Variants in CEP192 observed in about 807,000 individuals in gnomAD.
CEP192 encodes the protein centrosomal protein 192.
CEP192 carries 151 observed loss-of-function variants against 271.8 expected under a neutral mutation model. The ratio of observed to expected loss-of-function variants is 0.56; its 90% CI spans 0.49 to 0.64. CEP192 has a LOEUF of 0.64. Among genes scored for constraint, CEP192 ranks in the 30% least tolerant of loss-of-function variants. The pLI, the probability that CEP192 is intolerant of heterozygous loss-of-function variation, is 0.00. For missense variants in CEP192, 2,910 were observed against 3,020.5 expected (o/e 0.96, Z 0.86); for synonymous variants, 995 against 1,076.5 (o/e 0.92, Z 1.48).
chr18:13,041,389 TG>T (rs2036193735), intron 14 of CEP192, among the ~76,000 whole-genome samples: 1 of 152,162 alleles, frequency 6.6e-6, no homozygotes, highest in Non-Finnish European at 1.5e-5. Flanking sequence ...AGCTACTTTT[TG>T]TTAGTACAAT....
chr18:13,005,391 G>T (rs1402727520), intron 3 of CEP192, among the ~76,000 whole-genome samples: 1 of 152,166 alleles, frequency 6.6e-6, no homozygotes, highest in African/African-American at 2.4e-5. Context: ...CAGCAGTGAG[G>T]CATCCTGGGC....
chr18:13,046,566 T>C, intron 15 of CEP192, among the ~76,000 whole-genome samples: 1 of 151,984 alleles, frequency 6.6e-6, no homozygotes. Flanking sequence ...TATATATTTA[T>C]ATTATTTTAA....
At chr18:13,055,507 G>A (rs1232264242) in intron 18 of CEP192, among the ~76,000 whole-genome samples, 1 of 152,128 alleles carries the variant, frequency 6.6e-6, no homozygotes, top group African/African-American at 2.4e-5. Flanking sequence ...GACTCTGGTC[G>A]TTTATCTGTG....
At position 13,049,425 on chromosome 18, in the gene CEP192, T is replaced by C. The variant is rs138705773; in HGVS notation, c.2634T>C (p.Asp878=). The C allele has an allele frequency of 6.8e-6, 11 of 1,614,028 alleles. No homozygotes were observed. In the African/African-American group the frequency reaches 1.2e-4, roughly 18 times the overall value. Residue 878 remains aspartate, a synonymous_variant, in exon 16 of 45, where the codon GAT becomes GAC. Transcript: ENST00000506447. Reference sequence around the variant, plus strand: ...GAGAGAATAACAGTGCAGTAGTTGATGTGAAGACATGTTCCATTGACAACA... The same window carrying C: ...GAGAGAATAACAGTGCAGTAGTTGACGTGAAGACATGTTCCATTGACAACA... ...TNRENNSAVV[D]VKTCSIDNKL... is the part of the protein sequence containing the mutation.
chr18:13,035,540 C>T (rs1040081537), intron 11 of CEP192, among the ~76,000 whole-genome samples: 3 of 152,134 alleles, frequency 2.0e-5, no homozygotes, highest in Non-Finnish European at 4.4e-5. Flanking sequence ...AGTTATCTCC[C>T]CCTGGGTCCC....
chr18:13,053,533 C>G (rs1290334136), intron 18 of CEP192, among the ~76,000 whole-genome samples: 2 of 152,128 alleles, frequency 1.3e-5, no homozygotes, highest in Non-Finnish European at 2.9e-5. Context: ...CATCTGGGCA[C>G]TCCAGGAAGT....
In CEP192 at chr18:13,096,152, G is replaced by T. The variant is rs759175867; in HGVS notation, c.6434-32G>T. 5.0e-6 allele frequency: 8 copies of T among 1,608,380 alleles called. No homozygotes were observed. In the South Asian group the frequency reaches 7.7e-5, roughly 16 times the overall value. On this transcript the variant is annotated intron_variant, in intron 35 of 44. Transcript: ENST00000506447. ...TTTGTCTTTTTCACTGTTGTTAAAT[G>T]TAAGTCACATTTTATGTATCTGACA...
chr18:13,071,017 C>T (rs750736118), intron 27 of CEP192, 22 bp from the exon 28 acceptor site: 1 of 1,603,362 alleles, frequency 6.2e-7, no homozygotes, highest in Non-Finnish European at 8.5e-7. Flanking sequence ...GGACCTTCAA[C>T]TTAGAATTCT....
intron 3 of CEP192, among the ~76,000 whole-genome samples, chr18:13,006,835 C>G (rs1416068970): frequency 1.3e-5 from 2 of 152,210 alleles, no homozygotes; most frequent in Admixed American, 1.3e-4. Flanking sequence ...GCCGCTGTAA[C>G]TGCCATCGCT....
intron 3 of CEP192, among the ~76,000 whole-genome samples, chr18:13,005,350 G>T (rs2033916661): frequency 6.6e-6 from 1 of 152,174 alleles, no homozygotes; most frequent in Admixed American, 6.5e-5. Flanking sequence ...GGGAGTAGAA[G>T]GGCTGTGCAG....
intron 11 of CEP192, among the ~76,000 whole-genome samples, chr18:13,031,246 T>G (rs899077791): frequency 3.8e-4 from 53 of 140,886 alleles, no homozygotes; most frequent in Admixed American, 1.5e-3. Context: ...TATTGTTGTT[T>G]TTTTTTTTTT....
chr18:13,073,784 T>C lies in CEP192; in HGVS notation c.5616+599T>C, dbSNP rs544716358. On this transcript the variant is annotated intron_variant, in intron 30 of 44. Coordinates refer to ENST00000506447, the MANE Select transcript of CEP192 (RefSeq NM_032142.4). ...AAGCCCGTGCATGGGGCTGGAGCCC[T>C]CATGGCTTAATCACTTCCCCAAAGG... Among the ~76,000 whole-genome samples the C allele has an allele frequency of 1.7e-4, 26 of 152,302 alleles. No individual in the cohort carries two copies. In the East Asian group the frequency reaches 5.0e-3, roughly 29 times the overall value.
intron 1 of CEP192, among the ~76,000 whole-genome samples, chr18:12,998,551 T>C (rs759982810): frequency 3.3e-5 from 5 of 152,224 alleles, no homozygotes; most frequent in Non-Finnish European, 5.9e-5. Flanking sequence ...TTAGTAGATA[T>C]GCAATAAAAT....
intron 14 of CEP192, 112 bp from the exon 15 acceptor site, chr18:13,042,092 G>T: frequency 3.8e-6 from 3 of 784,892 alleles, no homozygotes; most frequent in Non-Finnish European, 6.0e-6. Flanking sequence ...GACATTTGGG[G>T]TACAAAGACA....
chr18:13,009,708 C>T, intron 4 of CEP192, among the ~76,000 whole-genome samples: 1 of 152,202 alleles, frequency 6.6e-6, no homozygotes, highest in Non-Finnish European at 1.5e-5. Context: ...TGGTGGCTAC[C>T]TGTAATCCCA....
At chr18:13,122,877 CT>C (rs2040737534) in intron 44 of CEP192, among the ~76,000 whole-genome samples, 1 of 152,034 alleles carries the variant, frequency 6.6e-6, no homozygotes, top group East Asian at 1.9e-4. Context: ...TAAATTAGTT[CT>C]CAATAATAGT....
Position 12,999,414 on chromosome 18 carries a change from A to G in CEP192, c.-4-7A>G. 1 of 1,520,526 alleles carries G rather than the reference A, an allele frequency of 6.6e-7. No individual in the cohort carries two copies. The allele number at this position is 1,520,526 out of a possible 1,614,324, so 94.2% of individuals were successfully genotyped here. A position where few individuals can be genotyped will look rare whatever the true frequency, so the allele number is the denominator to read the frequency against. ...TGTGACCTATAGAAATACTTTTGTT[A>G]TTGCAGTGAGATGGAAGATTTTCGA... On this transcript the variant is annotated splice_region_variant and splice_polypyrimidine_tract_variant and intron_variant, in intron 1 of 44. Transcript: ENST00000506447.
At chr18:13,038,288 G>A in intron 12 of CEP192, 82 bp from the exon 13 acceptor site, 2 of 1,132,664 alleles carry the variant, frequency 1.8e-6, no homozygotes, top group Non-Finnish European at 2.5e-6. Context: ...TTCTTGGTAA[G>A]ACTTTTTTAG....
chr18:13,061,650 C>T (rs578066474), intron 21 of CEP192, among the ~76,000 whole-genome samples: 1 of 152,242 alleles, frequency 6.6e-6, no homozygotes, highest in Non-Finnish European at 1.5e-5. Context: ...GGCTAAGTGC[C>T]ATTTTATATA....
Sources: gnomAD v4.1 joint callset for allele counts (sites outside exome capture counted in the v4.1 genomes callset) on GRCh38, gnomAD v4.1.1 for gene constraint, MANE v1.5 for transcripts, NCBI Gene and HGNC (gene_info 2026-07-23, HGNC 2026-07-21) for gene names.